ABLIM2: variants seen among roughly 807,000 people sequenced by gnomAD.
The protein encoded by ABLIM2 is actin binding LIM protein family member 2.
ABLIM2 carries 53 observed loss-of-function variants against 97.7 expected under a neutral mutation model. The ratio of observed to expected loss-of-function variants is 0.54; its 90% confidence interval spans 0.44 to 0.68. The LOEUF (loss-of-function observed/expected upper bound fraction) is 0.68, where lower values mean the gene tolerates loss of function less well. Among genes scored for constraint, ABLIM2 ranks in the 30% least tolerant of loss-of-function variants. The pLI is 0.00. For missense variants in ABLIM2, 835 were observed against 867.2 expected, an observed-to-expected ratio of 0.96 and a Z score of 0.47; for synonymous variants, 361 against 345.8, an observed-to-expected ratio of 1.04 and a Z score of -0.49.
intron 12 of ABLIM2, among the ~76,000 whole-genome samples, chr4:8,025,654 C>T (rs1776843091): frequency 6.6e-6 from 1 of 152,166 alleles, no homozygotes; most frequent in Non-Finnish European, 1.5e-5. Flanking sequence ...GGGAGGGTCG[C>T]CAGGGCTGGC....
At chr4:7,976,218 C>T (rs1577672544) in intron 20 of ABLIM2, among the ~76,000 whole-genome samples, 2 of 152,276 alleles carry the variant, frequency 1.3e-5, no homozygotes. Flanking sequence ...CCATCGCACC[C>T]GCACAGCCTG....
rs758188738 is a variant in ABLIM2, at chr4:8,029,586, TAAAA to T, written c.1168+66_1168+69del. ...GCCACTTATAACCGAAAAAAAAAAC[TAAAA>T]AAAAAAAAAAAAAAAAGGAAAAGGA... On this transcript the variant is annotated intron_variant, in intron 11 of 20. Transcript: ENST00000447017. 9.6e-5 allele frequency: 101 copies of T among 1,052,020 alleles called. 1 individual carries two copies. Among genetic ancestry groups the T allele is most frequent in the Admixed American group, 3.9e-4 (7 of 17,906 alleles). 65.2% of individuals were successfully genotyped at this position (1,052,020 alleles called of 1,614,324 possible).
chr4:8,020,181 C>A, intron 13 of ABLIM2, 21 bp downstream of exon 13: 1 of 1,605,170 alleles, frequency 6.2e-7, no homozygotes, highest in Middle Eastern at 1.8e-4. Context: ...AGGAGCCCAG[C>A]CAGCGTGTCC....
At chr4:8,078,657 C>A (rs1250055040) in intron 5 of ABLIM2, among the ~76,000 whole-genome samples, 1 of 152,222 alleles carries the variant, frequency 6.6e-6, no homozygotes, top group South Asian at 2.1e-4. Context: ...AGTGAACAGG[C>A]CTGTGCTCAA....
intron 3 of ABLIM2, among the ~76,000 whole-genome samples, chr4:8,096,786 C>T (rs9291388): frequency 5.9e-5 from 9 of 152,040 alleles, no homozygotes; most frequent in Non-Finnish European, 1.0e-4. Flanking sequence ...GCAGGCGGAG[C>T]GGGGCCGGTG....
At chr4:8,007,400 T>A (rs905062333) in intron 16 of ABLIM2, 15 of 985,350 alleles carry the variant, frequency 1.5e-5, no homozygotes, top group African/African-American at 1.7e-5. Flanking sequence ...CCTTGCCCAA[T>A]GAAAACTGCC....
chr4:8,151,624 T>C (rs1349640109), intron 1 of ABLIM2, among the ~76,000 whole-genome samples: 1 of 151,706 alleles, frequency 6.6e-6, no homozygotes, highest in East Asian at 1.9e-4. Context: ...ACCCAAACAG[T>C]GGGCGGGGTG....
At chr4:8,026,100 T>C (rs6825435) in intron 12 of ABLIM2, among the ~76,000 whole-genome samples, 113,982 of 152,154 alleles carry the variant, frequency 0.75, 42,836 homozygotes, top group African/African-American at 0.79. Flanking sequence ...TTCAAACTGC[T>C]GGCCGAAGCA....
chr4:8,061,675 G>A lies in ABLIM2; in HGVS notation c.676-621C>T, dbSNP rs1199349435. 1.3e-5 allele frequency among the ~76,000 whole-genome samples: 2 copies of A among 149,812 alleles called. No homozygotes were observed. Among genetic ancestry groups the A allele is most frequent in the African/African-American group, 2.5e-5 (1 of 40,506 alleles). The stretch of plus-strand genomic sequence containing the variant: ...GAGCAAAAAAAAAAAAAATCACCCC[G>A]AAATGCTCCCTTTACCCCCACGTTC... On this transcript the variant is annotated intron_variant, in intron 6 of 20. Coordinates refer to ENST00000447017, the MANE Select transcript of ABLIM2 (RefSeq NM_001130083.2). This position sits in a 1 kb window ranked among gnomAD's most constrained non-coding sequence, Gnocchi z 4.5.
chr4:8,008,932 G>C (rs1352501059), intron 15 of ABLIM2, 118 bp downstream of exon 15: 8 of 1,226,000 alleles, frequency 6.5e-6, no homozygotes, highest in Non-Finnish European at 8.2e-6. Context: ...GGCCTCGCAG[G>C]GCCCCTAAGG....
rs959158917 is a variant in ABLIM2 at position 8,087,121 on chromosome 4, G to C, written c.454+1048C>G. On this transcript the variant is annotated intron_variant, in intron 4 of 20. Transcript: ENST00000447017. This position sits in a 1 kb window ranked among gnomAD's most constrained non-coding sequence, Gnocchi z 4.6. ...TGACACAGGAGAGGAAATTAATTGC[G>C]GGCAAGATGTTGACCCCAGAAATCA... Among the ~76,000 whole-genome samples the C allele has an allele frequency of 6.6e-6, 1 of 152,196 alleles. No homozygotes were observed. The highest frequency in any genetic ancestry group is 2.4e-5 in the African/African-American group (1 of 41,436).
In ABLIM2 at chr4:8,155,033, T is replaced by C. The variant is rs1411285590; in HGVS notation, c.10+3647A>G. On this transcript the variant is annotated intron_variant, in intron 1 of 20. Transcript: ENST00000447017. This position sits in a 1 kb window ranked among gnomAD's most constrained non-coding sequence, Gnocchi z 4.2. ...AGAACAGTATGGGGGAAACCACCCC[T>C]GTGATTCAATTATCTCCACCTGGCC... Among the ~76,000 whole-genome samples, 1 of 152,202 alleles carries C rather than the reference T, an allele frequency of 6.6e-6. No homozygotes were observed. The highest frequency in any genetic ancestry group is 1.5e-5 in the Non-Finnish European group (1 of 68,024).
At position 8,112,838 on chromosome 4, in the gene ABLIM2, T is replaced by G. The variant is rs1043443433; in HGVS notation, c.11-6201A>C. On this transcript the variant is annotated intron_variant, in intron 1 of 20. Transcript: ENST00000447017. The surrounding 1 kb of genome is among the most constrained non-coding windows in gnomAD (Gnocchi z 4.2). Reference sequence around the variant, plus strand: ...GGCCCAGCTCAGGTGTGTCCGAGGCTCCTCCTCCCACCCCTTCCATCACCT... The same window carrying G: ...GGCCCAGCTCAGGTGTGTCCGAGGCGCCTCCTCCCACCCCTTCCATCACCT... Among the ~76,000 whole-genome samples, 33 of 152,240 alleles carry G rather than the reference T, an allele frequency of 2.2e-4. No homozygotes were observed. The highest frequency in any genetic ancestry group is 7.7e-4 in the African/African-American group (32 of 41,544).
At chr4:8,144,196 G>C (rs1001266575) in intron 1 of ABLIM2, among the ~76,000 whole-genome samples, 1 of 152,226 alleles carries the variant, frequency 6.6e-6, no homozygotes, top group Non-Finnish European at 1.5e-5. Context: ...GCCTCAGCGG[G>C]GAAGCAGCCC....
chr4:8,027,899 G>T, intron 11 of ABLIM2, 42 bp from the exon 12 acceptor site: 2 of 1,439,024 alleles, frequency 1.4e-6, no homozygotes, highest in Non-Finnish European at 1.9e-6. Flanking sequence ...ACCTGGGCTG[G>T]CTGGTGCAAC....
At chr4:8,041,185 C>A (rs1393813503) in intron 9 of ABLIM2, among the ~76,000 whole-genome samples, 1 of 152,242 alleles carries the variant, frequency 6.6e-6, no homozygotes, top group Non-Finnish European at 1.5e-5. Flanking sequence ...TGCAGAAATT[C>A]TTTGCCCACC....
At chr4:7,990,756 G>C (rs1748052554) in intron 17 of ABLIM2, among the ~76,000 whole-genome samples, 1 of 152,194 alleles carries the variant, frequency 6.6e-6, no homozygotes, top group South Asian at 2.1e-4. Flanking sequence ...GTGCTGAGCA[G>C]GGCCGCCCTG....
chr4:8,146,844 T>A (rs77984841), intron 1 of ABLIM2, among the ~76,000 whole-genome samples: 5 of 98,456 alleles, frequency 5.1e-5, no homozygotes, highest in African/African-American at 1.2e-4. Flanking sequence ...AATGTTTTTT[T>A]AAATTGTTTT....
In ABLIM2 at chr4:8,095,450, G is replaced by A. The variant is rs545523271; in HGVS notation, c.338+1649C>T. Among the ~76,000 whole-genome samples, 68 of 152,286 alleles carry A rather than the reference G, an allele frequency of 4.5e-4. No individual in the cohort carries two copies. Among genetic ancestry groups the A allele is most frequent in the Middle Eastern group, 3.4e-3 (1 of 294 alleles). On this transcript the variant is annotated intron_variant, in intron 3 of 20. Transcript: ENST00000447017. The surrounding 1 kb of genome is among the most constrained non-coding windows in gnomAD (Gnocchi z 4.7). ...GACACTGAACACTTATAAATTTTAC[G>A]TTGTTGAATGCTGGATTTTTAAAAA...
Sources: gnomAD v4.1 joint callset for allele counts (sites outside exome capture counted in the v4.1 genomes callset) on GRCh38, gnomAD v4.1.1 for gene constraint, Gnocchi (gnomAD v3.1) non-coding constraint, MANE v1.5 for transcripts, NCBI Gene and HGNC (gene_info 2026-07-23, HGNC 2026-07-21) for gene names.